Variants in NRCAM observed in about 807,000 individuals in gnomAD.
NRCAM encodes the protein neuronal cell adhesion molecule, also known as NgCAM-related cell adhesion molecule.
In NRCAM, 83 loss-of-function variants were observed where a neutral mutation model predicts 156.5. The ratio of observed to expected loss-of-function variants is 0.53; its 90% confidence interval spans 0.44 to 0.64. NRCAM has a LOEUF of 0.64. Ranked by LOEUF, NRCAM falls within the 30% of genes least tolerant of loss-of-function variation. NRCAM has a pLI of 0.00. For missense variants in NRCAM, 1,417 were observed against 1,597.3 expected, an observed-to-expected ratio of 0.89 and a Z score of 1.92; for synonymous variants, 538 against 563.9, an observed-to-expected ratio of 0.95 and a Z score of 0.65.
intron 2 of NRCAM, among the ~76,000 whole-genome samples, chr7:108,316,856 T>C (rs1462051815): frequency 2.0e-5 from 3 of 151,852 alleles, no homozygotes; most frequent in Non-Finnish European, 4.4e-5. Context: ...CAAAGAGTCA[T>C]GCCCTCTCTC....
chr7:108,272,489 C>T (rs1034032769), intron 3 of NRCAM, among the ~76,000 whole-genome samples: 4 of 152,054 alleles, frequency 2.6e-5, no homozygotes, highest in African/African-American at 9.7e-5. Flanking sequence ...TTTATTTATC[C>T]CACTAAGTGT....
intron 3 of NRCAM, among the ~76,000 whole-genome samples, chr7:108,259,850 G>A (rs1445516706): frequency 2.0e-5 from 3 of 152,126 alleles, no homozygotes; most frequent in Non-Finnish European, 4.4e-5. Context: ...TCGGCGGGTG[G>A]AGGGAGAGAG....
chr7:108,393,170 T>A (rs539754677), intron 2 of NRCAM, among the ~76,000 whole-genome samples: 9 of 152,148 alleles, frequency 5.9e-5, no homozygotes, highest in Non-Finnish European at 1.3e-4. Flanking sequence ...AGAGGTGGAA[T>A]CTACAGAGGC....
intron 31 of NRCAM, among the ~76,000 whole-genome samples, chr7:108,160,125 G>C (rs1469375052): frequency 6.6e-6 from 1 of 152,106 alleles, no homozygotes; most frequent in Non-Finnish European, 1.5e-5. Flanking sequence ...AAGAAAGTAG[G>C]CTCACTAATG....
chr7:108,455,895 G>A (rs1001608466), intron 1 of NRCAM, among the ~76,000 whole-genome samples: 1 of 152,212 alleles, frequency 6.6e-6, no homozygotes. Flanking sequence ...AGAGCTCTGG[G>A]CAGGGCTTCC....
chr7:108,373,540 G>A (rs945408678), intron 2 of NRCAM, among the ~76,000 whole-genome samples: 2 of 152,074 alleles, frequency 1.3e-5, no homozygotes, highest in African/African-American at 4.8e-5. Context: ...CCCTACAATG[G>A]GCTAATACTA....
At chr7:108,340,689 G>A (rs1459058563) in intron 2 of NRCAM, among the ~76,000 whole-genome samples, 1 of 152,118 alleles carries the variant, frequency 6.6e-6, no homozygotes, top group East Asian at 1.9e-4. Flanking sequence ...CTAGGAAAAA[G>A]CCCATGAATT....
chr7:108,155,253 G>C (rs1022613314), intron 32 of NRCAM, among the ~76,000 whole-genome samples: 5 of 151,548 alleles, frequency 3.3e-5, no homozygotes, highest in African/African-American at 1.2e-4. Flanking sequence ...GAAAGTTTAA[G>C]GATGGTGTGT....
chr7:108,165,322 G>A (rs1053143733), intron 30 of NRCAM, among the ~76,000 whole-genome samples: 11 of 152,146 alleles, frequency 7.2e-5, no homozygotes, highest in African/African-American at 2.7e-4. Context: ...GGGCGACCTG[G>A]CAGGTACTCG....
intron 2 of NRCAM, among the ~76,000 whole-genome samples, chr7:108,368,037 G>A (rs951175013): frequency 3.9e-5 from 6 of 152,068 alleles, no homozygotes; most frequent in African/African-American, 1.4e-4. Flanking sequence ...ATGATATAGA[G>A]CTGGATGAAA....
At chr7:108,432,472 C>T (rs890733324) in intron 1 of NRCAM, among the ~76,000 whole-genome samples, 15 of 152,198 alleles carry the variant, frequency 9.9e-5, no homozygotes, top group Non-Finnish European at 2.9e-5. Context: ...ATGGAGGATT[C>T]TCAAAGTTAT....
At chr7:108,216,263 G>A (rs902541135) in intron 11 of NRCAM, among the ~76,000 whole-genome samples, 3 of 152,156 alleles carry the variant, frequency 2.0e-5, no homozygotes, top group African/African-American at 7.2e-5. Context: ...GGCTTGTAGG[G>A]TTTCTGCCAA....
At chr7:108,209,076 T>C (rs1243598915) in intron 12 of NRCAM, among the ~76,000 whole-genome samples, 2 of 152,228 alleles carry the variant, frequency 1.3e-5, no homozygotes, top group Non-Finnish European at 2.9e-5. Flanking sequence ...TTTGAAGCTA[T>C]GCAAATATCC....
intron 24 of NRCAM, among the ~76,000 whole-genome samples, chr7:108,180,966 C>A (rs1276455563): frequency 6.6e-6 from 1 of 152,140 alleles, no homozygotes; most frequent in Non-Finnish European, 1.5e-5. Flanking sequence ...GGATCCTCCA[C>A]TGAAAGTCTA....
chr7:108,331,705 G>A (rs2099128869), intron 2 of NRCAM, among the ~76,000 whole-genome samples: 1 of 152,192 alleles, frequency 6.6e-6, no homozygotes, highest in Non-Finnish European at 1.5e-5. Context: ...GAAAAGATGT[G>A]TAGATGATTC....
In NRCAM at chr7:108,226,341, T is replaced by C; in HGVS notation, c.588A>G (p.Gln196=). 6.2e-7 allele frequency: 1 copy of C among 1,612,794 alleles called. No homozygotes were observed. Among genetic ancestry groups the C allele is most frequent in the Non-Finnish European group, 8.5e-7 (1 of 1,179,080 alleles). Residue 196 remains glutamine (Q), a synonymous_variant, in exon 9 of 33, where the codon CAA becomes CAG. Transcript: ENST00000379028. ...AAAAATAAAGGTCCCCATTCAAACC[T>C]TGAGAAACTCTCTCACTTTGTGGAA... is the stretch of plus-strand genomic sequence containing the variant. ...QRLPQSERVS[Q]GLNGDLYFSN... is the part of the protein sequence containing the mutation.
intron 6 of NRCAM, among the ~76,000 whole-genome samples, chr7:108,232,874 T>G (rs893228225): frequency 6.6e-6 from 1 of 152,136 alleles, no homozygotes; most frequent in African/African-American, 2.4e-5. Context: ...ACTCCATTGT[T>G]CACAGAGTTG....
chr7:108,350,084 T>C (rs938960975), intron 2 of NRCAM, among the ~76,000 whole-genome samples: 1 of 152,222 alleles, frequency 6.6e-6, no homozygotes, highest in African/African-American at 2.4e-5. Flanking sequence ...TTCCTTCCAC[T>C]GGAGAGCCTT....
chr7:108,284,286 C>T (rs1320107058), intron 3 of NRCAM, among the ~76,000 whole-genome samples: 1 of 152,208 alleles, frequency 6.6e-6, no homozygotes, highest in African/African-American at 2.4e-5. Context: ...TCTCCTCCTT[C>T]TCCCTCACCG....
Sources: gnomAD v4.1 joint callset for allele counts (sites outside exome capture counted in the v4.1 genomes callset) on GRCh38, gnomAD v4.1.1 for gene constraint, MANE v1.5 for transcripts, NCBI Gene and HGNC (gene_info 2026-07-23, HGNC 2026-07-21) for gene names.